The following RIMS1 variants were observed in gnomAD, a reference collection of about 807,000 sequenced individuals.
The protein encoded by RIMS1 is regulating synaptic membrane exocytosis 1.
Under a neutral mutation model 214.1 loss-of-function variants are expected in RIMS1, and 83 were observed. That is an observed-to-expected ratio of 0.39 (90% CI 0.32 to 0.47). RIMS1 has a LOEUF of 0.47. Among genes scored for constraint, RIMS1 ranks in the 20% least tolerant of loss-of-function variants. The probability of loss-of-function intolerance (pLI) is 0.99; values close to 1 mark genes in which losing one functional copy is unlikely to be tolerated. For synonymous variants in RIMS1, 793 were observed against 786.8 expected, an observed-to-expected ratio of 1.01 and a Z score of -0.13; for missense variants, 2,050 against 2,161.8, an observed-to-expected ratio of 0.95 and a Z score of 1.03.
intron 4 of RIMS1, among the ~76,000 whole-genome samples, chr6:72,105,690 A>G (rs1562322320): frequency 6.6e-6 from 1 of 152,214 alleles, no homozygotes; most frequent in Non-Finnish European, 1.5e-5. Flanking sequence ...ATGTATACGT[A>G]TAGTATAACT....
intron 22 of RIMS1, among the ~76,000 whole-genome samples, chr6:72,271,695 G>A (rs986059053): frequency 7.2e-5 from 11 of 152,002 alleles, no homozygotes; most frequent in African/African-American, 2.7e-4. Flanking sequence ...GCTTTCTGAG[G>A]CCTATCAATT....
At chr6:71,889,415 C>T (rs150508045) in intron 1 of RIMS1, among the ~76,000 whole-genome samples, 149 of 152,324 alleles carry the variant, frequency 9.8e-4, no homozygotes, top group African/African-American at 3.5e-3. Context: ...CTGCTTTCTA[C>T]TGGCTTGCAT....
chr6:72,235,798 T>C, intron 8 of RIMS1, 70 bp downstream of exon 8: 2 of 674,336 alleles, frequency 3.0e-6, no homozygotes, highest in Non-Finnish European at 4.5e-6. Flanking sequence ...TCGGAGTTTC[T>C]GGCAATGATT....
At chr6:72,023,130 A>G (rs941534652) in intron 2 of RIMS1, among the ~76,000 whole-genome samples, 1 of 152,184 alleles carries the variant, frequency 6.6e-6, no homozygotes, top group African/African-American at 2.4e-5. Context: ...AAGGAAAAAA[A>G]TAGTCATTTA....
At chr6:72,371,073 A>G (rs1054780196) in intron 29 of RIMS1, among the ~76,000 whole-genome samples, 3 of 152,206 alleles carry the variant, frequency 2.0e-5, no homozygotes, top group Non-Finnish European at 4.4e-5. Flanking sequence ...TCTGATCAAA[A>G]GCATTTAAAG....
At position 72,398,334 on chromosome 6, in the gene RIMS1, T is replaced by C; in HGVS notation, c.4704T>C (p.Gly1568=). 1.2e-6 allele frequency: 2 copies of C among 1,602,408 alleles called. No homozygotes were observed. Among genetic ancestry groups the C allele is most frequent in the Non-Finnish European group, 1.7e-6 (2 of 1,174,204 alleles). ...IRARSLTQKP[G]SKSTPAPYVK... ...CACGAAGCCTCACACAAAAGCCTGG[T>C]TCCAAATCTACACCTGGTAAGGAGA... Residue 1568 remains glycine, a synonymous_variant, in exon 32 of 34, where the codon GGT becomes GGC. Coordinates refer to ENST00000521978, the MANE Select transcript of RIMS1 (RefSeq NM_014989.7).
chr6:72,060,076 T>C (rs1253390655), intron 2 of RIMS1, among the ~76,000 whole-genome samples: 2 of 151,954 alleles, frequency 1.3e-5, no homozygotes, highest in East Asian at 3.8e-4. Flanking sequence ...GTAGCTAGGA[T>C]TACAGGGATG....
intron 22 of RIMS1, among the ~76,000 whole-genome samples, chr6:72,271,569 T>C (rs774802479): frequency 1.3e-5 from 2 of 151,964 alleles, no homozygotes; most frequent in Non-Finnish European, 2.9e-5. Context: ...ATATGCACCA[T>C]TGAAAGACGT....
rs66641707 is a variant in RIMS1 at position 72,225,096 on chromosome 6, GACAA to G, written c.1679-8670_1679-8667del. ...TTTGCATAGCCAAAATAAAAACAAA[GACAA>G]ACAAACCAAAAAATAAGTAGAATAA... On this transcript the variant is annotated intron_variant, in intron 6 of 33. Coordinates refer to ENST00000521978, the MANE Select transcript of RIMS1 (RefSeq NM_014989.7). Among the ~76,000 whole-genome samples, 4,196 of 152,032 alleles carry G rather than the reference GACAA, an allele frequency of 0.028. 346 individuals carry two copies. In the East Asian group the frequency reaches 0.31, roughly 11 times the overall value.
At chr6:72,269,485 C>T (rs147161852) in intron 22 of RIMS1, among the ~76,000 whole-genome samples, 69 of 152,272 alleles carry the variant, frequency 4.5e-4, no homozygotes, top group African/African-American at 1.6e-3. Context: ...CTATGATTGA[C>T]CAGACCCTGT....
chr6:72,200,278 G>A (rs962783605), intron 6 of RIMS1, among the ~76,000 whole-genome samples: 1 of 151,974 alleles, frequency 6.6e-6, no homozygotes, highest in Non-Finnish European at 1.5e-5. Context: ...TATATGACAG[G>A]CACTTACCAG....
chr6:72,363,288 AAG>A (rs1377367249), intron 29 of RIMS1, among the ~76,000 whole-genome samples: 7 of 152,322 alleles, frequency 4.6e-5, no homozygotes, highest in African/African-American at 1.7e-4. Context: ...TATAGGGAGA[AAG>A]GGAAAAAGTG....
At chr6:72,371,432 T>C (rs2098216802) in intron 29 of RIMS1, among the ~76,000 whole-genome samples, 1 of 152,232 alleles carries the variant, frequency 6.6e-6, no homozygotes, top group African/African-American at 2.4e-5. Context: ...TTCTTTCTAG[T>C]AGAGCACTAC....
intron 4 of RIMS1, chr6:72,148,643 T>G (rs557335660): frequency 2.2e-6 from 1 of 456,590 alleles, no homozygotes; most frequent in East Asian, 7.0e-5. Context: ...CAGCAGGAAT[T>G]AGTTATGCTT....
At chr6:72,286,998 A>C (rs1312547125) in intron 24 of RIMS1, among the ~76,000 whole-genome samples, 1 of 152,190 alleles carries the variant, frequency 6.6e-6, no homozygotes, top group Non-Finnish European at 1.5e-5. Flanking sequence ...ACTTAAAGAA[A>C]TGTATCATAT....
At chr6:72,055,631 T>G (rs574685441) in intron 2 of RIMS1, among the ~76,000 whole-genome samples, 1 of 152,264 alleles carries the variant, frequency 6.6e-6, no homozygotes, top group East Asian at 1.9e-4. Flanking sequence ...CAGTATGATG[T>G]TGGCCATGGG....
intron 1 of RIMS1, among the ~76,000 whole-genome samples, chr6:71,901,609 A>T: frequency 6.6e-6 from 1 of 151,978 alleles, no homozygotes. Context: ...AGGCTCCTCT[A>T]TGGTGGCAAG....
In RIMS1 at chr6:72,182,354, A is replaced by G; in HGVS notation, c.883A>G (p.Lys295Glu). The G allele has an allele frequency of 6.2e-7, 1 of 1,613,470 alleles. No individual in the cohort carries two copies. The highest frequency in any genetic ancestry group is 8.5e-7 in the Non-Finnish European group (1 of 1,179,648). The change falls in exon 6 of 34, where the codon AAG becomes GAG. Residue 295 changes from lysine to glutamate, a missense_variant. Physicochemically the swap from Lys to Glu is moderately conservative, Grantham distance 56. This residue lies in a region of RIMS1 where 882 missense variants were observed against 828.9 expected (regional missense o/e 1.06). Coordinates refer to ENST00000521978, the MANE Select transcript of RIMS1 (RefSeq NM_014989.7). ...ALKSERKRVP[K>E]TSAQPVEGAV... ...GAAGAGCGAGCGGAAACGCGTGCCA[A>G]AGACCTCAGCGCAGCCCGTGGAGGG...
chr6:72,018,872 C>A (rs991861922), intron 2 of RIMS1, among the ~76,000 whole-genome samples: 8 of 152,104 alleles, frequency 5.3e-5, no homozygotes, highest in Admixed American at 3.9e-4. Flanking sequence ...GAATTATGTG[C>A]CATATCTTAG....
Sources: allele counts gnomAD v4.1 joint callset (sites outside exome capture counted in the v4.1 genomes callset), GRCh38; gene constraint gnomAD v4.1.1; regional missense constraint gnomAD v4.1.1; transcripts MANE v1.5; gene names NCBI Gene and HGNC (gene_info 2026-07-23, HGNC 2026-07-21).